TLN2: variants seen among roughly 807,000 people sequenced by gnomAD.
TLN2 encodes the protein talin 2.
TLN2 carries 118 observed loss-of-function variants against 294.7 expected under a neutral mutation model. The observed-to-expected ratio is 0.40, with a 90% CI of 0.34 to 0.47. TLN2 has a LOEUF of 0.47. TLN2 is among the 20% of genes least tolerant of loss of function. TLN2 has a pLI of 0.84. For synonymous variants in TLN2, 1,431 were observed against 1,304.5 expected, an observed-to-expected ratio of 1.10 and a Z score of -2.09; for missense variants, 3,083 against 3,282.2, an observed-to-expected ratio of 0.94 and a Z score of 1.48.
intron 46 of TLN2, among the ~76,000 whole-genome samples, chr15:62,794,295 C>T (rs2065299596): frequency 1.3e-5 from 2 of 152,124 alleles, no homozygotes; most frequent in Non-Finnish European, 2.9e-5. Flanking sequence ...TCTTGCTGTG[C>T]GTCCCTGTCC....
chr15:62,645,196 G>C (rs575361931), intron 3 of TLN2: 1 of 153,224 alleles, frequency 6.5e-6, no homozygotes, highest in South Asian at 2.1e-4. Context: ...GGCCTATAAA[G>C]AGAGGGGTGG....
chr15:62,613,747 C>T (rs1222009756), intron 2 of TLN2, among the ~76,000 whole-genome samples: 2 of 151,330 alleles, frequency 1.3e-5, no homozygotes, highest in African/African-American at 4.9e-5. Context: ...TATGTCCATT[C>T]AGGGGACTAA....
At chr15:62,837,653 C>A (rs1336944700) in intron 57 of TLN2, among the ~76,000 whole-genome samples, 1 of 152,122 alleles carries the variant, frequency 6.6e-6, no homozygotes, top group Non-Finnish European at 1.5e-5. Flanking sequence ...TGTGCAGATC[C>A]CAGCTGTATA....
intron 11 of TLN2, among the ~76,000 whole-genome samples, chr15:62,680,616 G>A (rs1203910691): frequency 6.6e-5 from 10 of 150,724 alleles, no homozygotes; most frequent in African/African-American, 9.8e-5. Flanking sequence ...GGGTATAAGC[G>A]TTTTTTTTGT....
chr15:62,839,008 T>C (rs2070217517), intron 58 of TLN2, 27 bp downstream of exon 58: 9 of 1,608,302 alleles, frequency 5.6e-6, no homozygotes, highest in Non-Finnish European at 7.6e-6. Flanking sequence ...AGAATAGTAT[T>C]TACTTCCCGA....
intron 2 of TLN2, among the ~76,000 whole-genome samples, chr15:62,615,181 A>C (rs577399833): frequency 3.3e-5 from 5 of 152,326 alleles, no homozygotes; most frequent in African/African-American, 1.2e-4. Flanking sequence ...GCTTCTTTAT[A>C]CTTAAAAAAA....
intron 1 of TLN2, among the ~76,000 whole-genome samples, chr15:62,425,107 C>A (rs972967056): frequency 6.6e-6 from 1 of 151,740 alleles, no homozygotes; most frequent in Non-Finnish European, 1.5e-5. Flanking sequence ...GGCCTGCCAC[C>A]ATGCCTGGCT....
intron 54 of TLN2, among the ~76,000 whole-genome samples, chr15:62,826,930 G>A (rs530783387): frequency 3.9e-5 from 6 of 152,094 alleles, no homozygotes; most frequent in African/African-American, 1.4e-4. Context: ...TTTAGTAGCA[G>A]GCATTCTGCA....
At chr15:62,548,231 C>T (rs1441339798) in intron 1 of TLN2, among the ~76,000 whole-genome samples, 1 of 152,104 alleles carries the variant, frequency 6.6e-6, no homozygotes, top group Non-Finnish European at 1.5e-5. Flanking sequence ...AAGGGAGGAA[C>T]ATTTCAGGCA....
chr15:62,630,411 T>G (rs920497537), intron 3 of TLN2, among the ~76,000 whole-genome samples: 4 of 152,178 alleles, frequency 2.6e-5, no homozygotes, highest in African/African-American at 9.7e-5. Context: ...TTTTTGCTTT[T>G]AAATACATCC....
chr15:62,839,904 G>A (rs180923946), intron 58 of TLN2, among the ~76,000 whole-genome samples: 1 of 152,208 alleles, frequency 6.6e-6, no homozygotes, highest in Non-Finnish European at 1.5e-5. Flanking sequence ...GCTCTGGAAA[G>A]CCAGGAAAGG....
At chr15:62,789,591 C>G (rs932346834) in intron 45 of TLN2, among the ~76,000 whole-genome samples, 2 of 152,114 alleles carry the variant, frequency 1.3e-5, no homozygotes, top group African/African-American at 4.8e-5. Flanking sequence ...TCATGTCATC[C>G]CATAGGGTTC....
chr15:62,664,497 G>C (rs1012238911), intron 9 of TLN2, among the ~76,000 whole-genome samples: 4 of 151,900 alleles, frequency 2.6e-5, no homozygotes, highest in Non-Finnish European at 4.4e-5. Flanking sequence ...AAGAGAAACC[G>C]GATGTATTAT....
At chr15:62,753,693 G>A in intron 35 of TLN2, 80 bp from the exon 36 acceptor site, 1 of 1,498,608 alleles carries the variant, frequency 6.7e-7, no homozygotes, top group Non-Finnish European at 8.9e-7. Context: ...ACAGCTGCAT[G>A]TGTAGTGCGG....
At chr15:62,475,015 T>G (rs1005997442) in intron 1 of TLN2, among the ~76,000 whole-genome samples, 9 of 152,186 alleles carry the variant, frequency 5.9e-5, no homozygotes, top group Non-Finnish European at 1.0e-4. Context: ...AATTTTTGCC[T>G]TATAAATAAT....
intron 3 of TLN2, among the ~76,000 whole-genome samples, chr15:62,622,945 G>T (rs1409178096): frequency 6.6e-6 from 1 of 152,172 alleles, no homozygotes. Context: ...CATCGATGTT[G>T]CCCATCATCT....
chr15:62,508,134 G>C (rs1291531857), intron 1 of TLN2, among the ~76,000 whole-genome samples: 1 of 152,090 alleles, frequency 6.6e-6, no homozygotes, highest in Non-Finnish European at 1.5e-5. Context: ...CCATTTAATC[G>C]TGGTGGTAAA....
intron 1 of TLN2, among the ~76,000 whole-genome samples, chr15:62,499,937 G>C (rs183059081): frequency 3.1e-4 from 47 of 149,500 alleles, no homozygotes; most frequent in Admixed American, 5.3e-4. Context: ...AACAAGCAAA[G>C]AAACAAACAA....
intron 55 of TLN2, chr15:62,834,018 G>T (rs770710716): frequency 6.3e-6 from 1 of 158,254 alleles, no homozygotes; most frequent in African/African-American, 2.4e-5. Flanking sequence ...AAAGGGTTCC[G>T]TTTGTTTTTA....
Sources: gnomAD v4.1 joint callset for allele counts (sites outside exome capture counted in the v4.1 genomes callset) on GRCh38, gnomAD v4.1.1 for gene constraint, MANE v1.5 for transcripts, NCBI Gene and HGNC (gene_info 2026-07-23, HGNC 2026-07-21) for gene names.